Variants in WNT6 observed in about 807,000 individuals in gnomAD.
WNT6 encodes the protein protein Wnt-6.
A neutral mutation model predicts 33.1 loss-of-function variants in WNT6; 27 were observed. The observed-to-expected ratio is 0.82, with a 90% CI of 0.60 to 1.12. WNT6 has a LOEUF of 1.12. WNT6 is among the 50% of genes most tolerant of loss of function. WNT6 has a pLI of 0.00. For synonymous variants in WNT6, 249 were observed against 242.8 expected, an observed-to-expected ratio of 1.03 and a Z score of -0.24; for missense variants, 494 against 535.3, an observed-to-expected ratio of 0.92 and a Z score of 0.76.
chr2:218,871,895 G>T lies in WNT6; in HGVS notation c.636+76G>T. Reference sequence around the variant, plus strand: ...GCAGGAGTGTGCTTGAGGAAGTGTTGGCAGGAGTGAGGGTGTGTAGGTGGA... The same window carrying T: ...GCAGGAGTGTGCTTGAGGAAGTGTTTGCAGGAGTGAGGGTGTGTAGGTGGA... On this transcript the variant is annotated intron_variant, in intron 3 of 3. Coordinates refer to ENST00000233948, the MANE Select transcript of WNT6 (RefSeq NM_006522.4). This position sits in a 1 kb window ranked among gnomAD's most constrained non-coding sequence, Gnocchi z 6.4. 1 of 1,235,740 alleles carries T rather than the reference G, an allele frequency of 8.1e-7. No homozygotes were observed. Among genetic ancestry groups the T allele is most frequent in the African/African-American group, 1.6e-5 (1 of 63,174 alleles). 76.5% of individuals were successfully genotyped at this position (1,235,740 alleles called of 1,614,324 possible).
At chr2:218,870,614 G>A (rs1944391853) in intron 1 of WNT6, among the ~76,000 whole-genome samples, 1 of 152,172 alleles carries the variant, frequency 6.6e-6, no homozygotes, top group Admixed American at 6.5e-5. Flanking sequence ...TTTCTTTGGT[G>A]TCTCTTGACG....
intron 1 of WNT6, among the ~76,000 whole-genome samples, chr2:218,861,075 C>G (rs973518443): frequency 2.0e-4 from 31 of 152,220 alleles, no homozygotes; most frequent in Non-Finnish European, 7.3e-5. Flanking sequence ...AAGGCAGGGT[C>G]GTGTCTATTT....
Position 218,873,634 on chromosome 2 carries a change from C to G in WNT6, c.887C>G (p.Pro296Arg). The G allele has an allele frequency of 1.3e-6, 2 of 1,580,526 alleles. No individual in the cohort carries two copies. The highest frequency in any genetic ancestry group is 1.7e-6 in the Non-Finnish European group (2 of 1,170,606). Residue 296 changes from proline to arginine, a missense_variant, in exon 4 of 4, where the codon CCC becomes CGC. Transcript: ENST00000233948. This position sits in a 1 kb window ranked among gnomAD's most constrained non-coding sequence, Gnocchi z 6.1. ...YAADSPDFCA[P>R]NRRTGSPGTR... is the part of the protein sequence containing the mutation. ...GCCGATTCGCCCGACTTCTGCGCCCCCAACCGACGCACCGGCTCCCCCGGC... is the reference window on the plus strand; with the variant it reads ...GCCGATTCGCCCGACTTCTGCGCCCGCAACCGACGCACCGGCTCCCCCGGC...
chr2:218,866,003 TG>T (rs1444932684), intron 1 of WNT6, among the ~76,000 whole-genome samples: 1 of 21,726 alleles, frequency 4.6e-5, no homozygotes, highest in Non-Finnish European at 9.1e-5. Context: ...GTGGTTTGGG[TG>T]GGGGTAGGGG....
chr2:218,860,554 G>A (rs1220581082), intron 1 of WNT6, among the ~76,000 whole-genome samples: 3 of 152,136 alleles, frequency 2.0e-5, no homozygotes, highest in African/African-American at 7.2e-5. Flanking sequence ...CCAACCCACC[G>A]GCTTCTCTCT....
At chr2:218,872,684 G>A (rs895715359) in intron 3 of WNT6, among the ~76,000 whole-genome samples, 1 of 152,160 alleles carries the variant, frequency 6.6e-6, no homozygotes, top group African/African-American at 2.4e-5. Context: ...TGGTGGGTTT[G>A]GGAATCTTAG....
chr2:218,862,367 G>A lies in WNT6; in HGVS notation c.80+2250G>A, dbSNP rs376633665. ...ATTTTTATTTATTTATTTATTTAGA[G>A]CAGAGTCTCGTTCTGTCGCCCAGGC... On this transcript the variant is annotated intron_variant, in intron 1 of 3. Coordinates refer to ENST00000233948, the MANE Select transcript of WNT6 (RefSeq NM_006522.4). 1.2e-4 allele frequency among the ~76,000 whole-genome samples: 19 copies of A among 152,022 alleles called. No homozygotes were observed. The East Asian group carries it at 3.5e-3, about 28-fold the overall frequency.
chr2:218,870,480 G>C (rs1166081702), intron 1 of WNT6, among the ~76,000 whole-genome samples: 1 of 152,176 alleles, frequency 6.6e-6, no homozygotes, highest in African/African-American at 2.4e-5. Flanking sequence ...TTCCCTAGCC[G>C]TTCCAACATC....
At position 218,860,123 on chromosome 2, in the gene WNT6, TC is replaced by T; in HGVS notation, c.80+8del. On this transcript the variant is annotated splice_region_variant and intron_variant, in intron 1 of 3. Coordinates refer to ENST00000233948, the MANE Select transcript of WNT6 (RefSeq NM_006522.4). ...CACGTCGGCGGACTGTGGTGGTGAG[TC>T]CGGCTGTCCTGGCGCGGCTCTGGAC... 8 of 1,518,522 alleles carry T rather than the reference TC, an allele frequency of 5.3e-6. No individual in the cohort carries two copies. The highest frequency in any genetic ancestry group is 7.0e-6 in the Non-Finnish European group (8 of 1,137,160). The allele number at this position is 1,518,522 out of a possible 1,614,324, so 94.1% of individuals were successfully genotyped here.
chr2:218,871,475 G>A lies in WNT6; in HGVS notation c.302-10G>A, dbSNP rs369163586. 1.1e-5 allele frequency: 17 copies of A among 1,596,536 alleles called. No homozygotes were observed. Among genetic ancestry groups the A allele is most frequent in the Admixed American group, 1.7e-5 (1 of 59,694 alleles). On this transcript the variant is annotated splice_polypyrimidine_tract_variant and intron_variant, in intron 2 of 3. Transcript: ENST00000233948. The surrounding 1 kb of genome is among the most constrained non-coding windows in gnomAD (Gnocchi z 6.4). ...CAGCCCGCGCTGATTGCACCTGTCT[G>A]CATTCACAGACATTCGGGAGACGGC...
chr2:218,859,870 C>A lies in WNT6; in HGVS notation c.-168C>A. On this transcript the variant is annotated 5_prime_UTR_variant, in exon 1 of 4. Coordinates refer to ENST00000233948, the MANE Select transcript of WNT6 (RefSeq NM_006522.4). ...TGCCCCGTCCGCTCTCCGCCTCCGCCGCGCCCTCCTCGCCCGGGATGGGCC... is the reference window on the plus strand; with the variant it reads ...TGCCCCGTCCGCTCTCCGCCTCCGCAGCGCCCTCCTCGCCCGGGATGGGCC... 3.6e-6 allele frequency: 1 copy of A among 275,884 alleles called. No homozygotes were observed. 17.1% of individuals were successfully genotyped at this position (275,884 alleles called of 1,614,324 possible).
chr2:218,873,908 G>T lies in WNT6; in HGVS notation c.*63G>T. On this transcript the variant is annotated 3_prime_UTR_variant, in exon 4 of 4. Transcript: ENST00000233948. This position sits in a 1 kb window ranked among gnomAD's most constrained non-coding sequence, Gnocchi z 6.1. ...TGGCTCGCACCTGTGGGACCTCAGG[G>T]CACCGGCACCGGGCGCCTCTCGCCG... The T allele has an allele frequency of 7.3e-7, 1 of 1,370,240 alleles. No individual in the cohort carries two copies. The highest frequency in any genetic ancestry group is 9.4e-7 in the Non-Finnish European group (1 of 1,061,008). 84.9% of individuals were successfully genotyped at this position (1,370,240 alleles called of 1,614,324 possible). A position where few individuals can be genotyped will look rare whatever the true frequency, so the allele number is the denominator to read the frequency against.
Position 218,871,154 on chromosome 2 carries a change from C to A in WNT6, c.208C>A (p.Arg70=), listed in dbSNP as rs142171369. ...EVVAELARGA[R]LGVRECQFQF... is the part of the protein sequence containing the mutation. ...GGTGGCAGAGCTAGCTCGGGGCGCC[C>A]GGCTCGGGGTGCGAGAGTGCCAGTT... The change falls in exon 2 of 4, where the codon CGG becomes AGG. Residue 70 remains arginine, a synonymous_variant. Coordinates refer to ENST00000233948, the MANE Select transcript of WNT6 (RefSeq NM_006522.4). This position sits in a 1 kb window ranked among gnomAD's most constrained non-coding sequence, Gnocchi z 6.4. 1.2e-6 allele frequency: 2 copies of A among 1,613,752 alleles called. No individual in the cohort carries two copies. Among genetic ancestry groups the A allele is most frequent in the African/African-American group, 2.7e-5 (2 of 75,062 alleles).
Position 218,871,123 on chromosome 2 carries a change from G to A in WNT6, c.177G>A (p.Pro59=), listed in dbSNP as rs1416012649. The A allele has an allele frequency of 6.2e-7, 1 of 1,613,826 alleles. No homozygotes were observed. Among genetic ancestry groups the A allele is most frequent in the Non-Finnish European group, 8.5e-7 (1 of 1,179,948 alleles). ...AGGCCGAGTTGTGCCAGGCTGAGCC[G>A]GAAGTGGTGGCAGAGCTAGCTCGGG... is the stretch of plus-strand genomic sequence containing the variant. ...GRQAELCQAE[P]EVVAELARGA... The change falls in exon 2 of 4, where the codon CCG becomes CCA. Residue 59 remains proline (P), a synonymous_variant. Coordinates refer to ENST00000233948, the MANE Select transcript of WNT6 (RefSeq NM_006522.4). The surrounding 1 kb of genome is among the most constrained non-coding windows in gnomAD (Gnocchi z 6.4).
chr2:218,874,058 C>T lies in WNT6; in HGVS notation c.*213C>T, dbSNP rs777784602. On this transcript the variant is annotated 3_prime_UTR_variant, in exon 4 of 4. Coordinates refer to ENST00000233948, the MANE Select transcript of WNT6 (RefSeq NM_006522.4). ...CGCCAGACGGCCCCGAAAAGGCGCTCGGGGAGCGTTTAAAGGACACTGTAC... is the reference window on the plus strand; with the variant it reads ...CGCCAGACGGCCCCGAAAAGGCGCTTGGGGAGCGTTTAAAGGACACTGTAC... 5.9e-5 allele frequency: 33 copies of T among 560,188 alleles called. No individual in the cohort carries two copies. The highest frequency in any genetic ancestry group is 9.9e-5 in the Non-Finnish European group (33 of 333,988). 34.7% of individuals were successfully genotyped at this position (560,188 alleles called of 1,614,324 possible).
At position 218,873,314 on chromosome 2, in the gene WNT6, T is replaced by G; in HGVS notation, c.637-70T>G. ...ACCTCCCATTCCCAATCTTATTTTC[T>G]GTCCATCCGCTGGGCCCTTCCCTGC... On this transcript the variant is annotated intron_variant, in intron 3 of 3. Coordinates refer to ENST00000233948, the MANE Select transcript of WNT6 (RefSeq NM_006522.4). This position sits in a 1 kb window ranked among gnomAD's most constrained non-coding sequence, Gnocchi z 6.1. 7.1e-7 allele frequency: 1 copy of G among 1,412,454 alleles called. No homozygotes were observed. The highest frequency in any genetic ancestry group is 9.5e-7 in the Non-Finnish European group (1 of 1,055,162). 87.5% of individuals were successfully genotyped at this position (1,412,454 alleles called of 1,614,324 possible).
chr2:218,870,232 A>C (rs1222169570), intron 1 of WNT6, among the ~76,000 whole-genome samples: 2 of 151,884 alleles, frequency 1.3e-5, no homozygotes, highest in African/African-American at 4.8e-5. Context: ...ATTAAAAAAA[A>C]AAAAAAAAAG....
chr2:218,864,074 C>T (rs567191063), intron 1 of WNT6, among the ~76,000 whole-genome samples: 7 of 152,250 alleles, frequency 4.6e-5, no homozygotes, highest in Non-Finnish European at 1.5e-5. Flanking sequence ...TTCCCAGTCA[C>T]CAGTTCCCCA....
Position 218,874,070 on chromosome 2 carries a change from A to G in WNT6, c.*225A>G, listed in dbSNP as rs1380714793. The G allele has an allele frequency of 2.2e-5, 12 of 543,002 alleles. No homozygotes were observed. Among genetic ancestry groups the G allele is most frequent in the South Asian group, 1.9e-4 (7 of 36,136 alleles). The allele number at this position is 543,002 out of a possible 1,614,324, so 33.6% of individuals were successfully genotyped here. A position where few individuals can be genotyped will look rare whatever the true frequency, so the allele number is the denominator to read the frequency against. On this transcript the variant is annotated 3_prime_UTR_variant, in exon 4 of 4. Transcript: ENST00000233948. Reference sequence around the variant, plus strand: ...CCGAAAAGGCGCTCGGGGAGCGTTTAAAGGACACTGTACAGGCCCTCCCTC... The same window carrying G: ...CCGAAAAGGCGCTCGGGGAGCGTTTGAAGGACACTGTACAGGCCCTCCCTC...
Sources: gnomAD v4.1 joint callset for allele counts (sites outside exome capture counted in the v4.1 genomes callset) on GRCh38, gnomAD v4.1.1 for gene constraint, Gnocchi (gnomAD v3.1) non-coding constraint, MANE v1.5 for transcripts, NCBI Gene and HGNC (gene_info 2026-07-23, HGNC 2026-07-21) for gene names.